Variants in SUGCT observed in about 807,000 individuals in gnomAD.
SUGCT encodes the protein succinyl-CoA:glutarate-CoA transferase.
SUGCT carries 41 observed loss-of-function variants against 55.0 expected under a neutral mutation model. That is an observed-to-expected ratio of 0.74 (90% CI 0.58 to 0.97). The LOEUF is 0.97. Ranked by LOEUF, SUGCT falls within the 50% of genes least tolerant of loss-of-function variation. The pLI is 0.00. For missense variants in SUGCT, 568 were observed against 547.8 expected (o/e 1.04, Z -0.37); for synonymous variants, 187 against 200.4 (o/e 0.93, Z 0.56).
rs1217775627 is a variant in SUGCT at position 40,645,486 on chromosome 7, T to C, written c.1090-103948T>C. ...CACCACATGAGCAATATCTATTCAA[T>C]TGCTTGCAAAGAAGGCCATCTGTTC... On this transcript the variant is annotated intron_variant, in intron 12 of 13. Transcript: ENST00000335693. 2.6e-5 allele frequency among the ~76,000 whole-genome samples: 4 copies of C among 152,310 alleles called. No homozygotes were observed. The East Asian group carries it at 7.7e-4, about 29-fold the overall frequency.
chr7:40,181,025 G>C, intron 2 of SUGCT, 27 bp downstream of exon 2: 1 of 1,553,856 alleles, frequency 6.4e-7, no homozygotes, highest in African/African-American at 1.4e-5. Flanking sequence ...CTACATTTTG[G>C]TGATTGGGTT....
chr7:40,662,980 A>G (rs1380338012), intron 12 of SUGCT, among the ~76,000 whole-genome samples: 20 of 152,186 alleles, frequency 1.3e-4, no homozygotes, highest in African/African-American at 4.8e-4. Context: ...AATTTCAGGC[A>G]TTTCAATTAT....
chr7:40,193,169 G>A lies in SUGCT; in HGVS notation c.364-1771G>A, dbSNP rs1313875759. ...TTTTGTAGAGACGAAGCCTTGGTAT[G>A]TTGCCCAGGCATGTCTTGAACTCCT... On this transcript the variant is annotated intron_variant, in intron 5 of 13. Coordinates refer to ENST00000335693, the MANE Select transcript of SUGCT (RefSeq NM_001193313.2). 2.0e-5 allele frequency among the ~76,000 whole-genome samples: 3 copies of A among 151,014 alleles called. No homozygotes were observed. In the East Asian group the frequency reaches 5.9e-4, roughly 29 times the overall value.
intron 8 of SUGCT, among the ~76,000 whole-genome samples, chr7:40,289,925 A>G (rs2151044593): frequency 6.6e-6 from 1 of 152,322 alleles, no homozygotes; most frequent in African/African-American, 2.4e-5. Context: ...AGAGAATAAA[A>G]TACCTAGGAA....
the SUGCT span, among the ~76,000 whole-genome samples, chr7:40,900,839 C>G: frequency 6.6e-6 from 1 of 152,180 alleles, no homozygotes; most frequent in African/African-American, 2.4e-5. Context: ...TTTTCATTTA[C>G]AAAGTGATTA....
intron 1 of SUGCT, among the ~76,000 whole-genome samples, chr7:40,178,554 T>G (rs960843602): frequency 6.6e-6 from 1 of 152,164 alleles, no homozygotes; most frequent in South Asian, 2.1e-4. Flanking sequence ...TTAAGGGTTT[T>G]TTTTTTGCTC....
intron 8 of SUGCT, among the ~76,000 whole-genome samples, chr7:40,311,502 G>A (rs1464376742): frequency 7.9e-5 from 12 of 152,160 alleles, no homozygotes. Context: ...GCATGCTGTG[G>A]CCTCTGTCTA....
chr7:40,310,138 A>G (rs1454699903), intron 8 of SUGCT, among the ~76,000 whole-genome samples: 1 of 152,144 alleles, frequency 6.6e-6, no homozygotes, highest in Non-Finnish European at 1.5e-5. Context: ...GATAAACACT[A>G]CCTCAGCCAG....
In SUGCT at chr7:40,248,952, TCA is replaced by T. The variant is rs1790119200; in HGVS notation, c.576+11228_576+11229del. 1.3e-4 allele frequency among the ~76,000 whole-genome samples: 19 copies of T among 151,600 alleles called. No individual in the cohort carries two copies. In the South Asian group the frequency reaches 4.0e-3, roughly 32 times the overall value. On this transcript the variant is annotated intron_variant, in intron 7 of 13. Coordinates refer to ENST00000335693, the MANE Select transcript of SUGCT (RefSeq NM_001193313.2). ...CCCTCTCTCTCTGTCTCTCTCTCTCTCACTCTCTCTTAAAAATTCAACTGTAT... is the reference window on the plus strand; with the variant it reads ...CCCTCTCTCTCTGTCTCTCTCTCTCTCTCTCTCTTAAAAATTCAACTGTAT...
At chr7:40,838,631 T>TTTTG (rs142324369) in intron 13 of SUGCT, among the ~76,000 whole-genome samples, 4 of 151,714 alleles carry the variant, frequency 2.6e-5, no homozygotes, top group African/African-American at 4.8e-5. Context: ...ACATCTAGCG[T>TTTTG]TTTGTTTGTT....
intron 9 of SUGCT, among the ~76,000 whole-genome samples, chr7:40,395,742 T>G (rs1285422251): frequency 2.6e-5 from 4 of 152,122 alleles, no homozygotes; most frequent in African/African-American, 9.7e-5. Context: ...AGGAAAACTA[T>G]GGCAACAGGC....
At chr7:40,722,121 G>A (rs1786371820) in intron 12 of SUGCT, among the ~76,000 whole-genome samples, 1 of 151,846 alleles carries the variant, frequency 6.6e-6, no homozygotes, top group Non-Finnish European at 1.5e-5. Context: ...AAATTGACAG[G>A]GTAGAGGACC....
Position 40,751,309 on chromosome 7 carries a change from G to A in SUGCT, c.1153+1812G>A, listed in dbSNP as rs574087391. On this transcript the variant is annotated intron_variant, in intron 13 of 13. Transcript: ENST00000335693. The stretch of plus-strand genomic sequence containing the variant: ...ACTGGAGAGGTAGGGAGAGCCTGGG[G>A]GCCCTGTTAAAGTTGTGTTTTCTCT... Among the ~76,000 whole-genome samples, 6 of 152,172 alleles carry A rather than the reference G, an allele frequency of 3.9e-5. No individual in the cohort carries two copies. In the East Asian group the frequency reaches 1.2e-3, roughly 29 times the overall value.
chr7:40,646,705 C>T (rs1800533281), intron 12 of SUGCT, among the ~76,000 whole-genome samples: 1 of 152,140 alleles, frequency 6.6e-6, no homozygotes, highest in South Asian at 2.1e-4. Context: ...ACAGGCCTTC[C>T]CCAACTACCC....
intron 1 of SUGCT, among the ~76,000 whole-genome samples, chr7:40,140,852 A>C (rs1037540527): frequency 6.6e-6 from 1 of 152,200 alleles, no homozygotes; most frequent in Non-Finnish European, 1.5e-5. Flanking sequence ...TTAGTTCCAT[A>C]TGAACTTTAG....
chr7:40,244,020 A>G (rs1789644470), intron 7 of SUGCT, among the ~76,000 whole-genome samples: 1 of 152,008 alleles, frequency 6.6e-6, no homozygotes, highest in Non-Finnish European at 1.5e-5. Context: ...TAAAAATACA[A>G]AAGTTAGCTG....
rs373443206 is a variant in SUGCT at position 40,327,828 on chromosome 7, T to C, written c.816+10973T>C. ...TAATCACTATAATAATTATCAGATGTAACATTTATCAATGATTACTGTGTT... is the reference window on the plus strand; with the variant it reads ...TAATCACTATAATAATTATCAGATGCAACATTTATCAATGATTACTGTGTT... On this transcript the variant is annotated intron_variant, in intron 9 of 13. Coordinates refer to ENST00000335693, the MANE Select transcript of SUGCT (RefSeq NM_001193313.2). 5.3e-5 allele frequency among the ~76,000 whole-genome samples: 8 copies of C among 152,356 alleles called. No individual in the cohort carries two copies. The East Asian group carries it at 1.3e-3, about 26-fold the overall frequency.
rs575705133 is a variant in SUGCT, at chr7:40,529,808, C to T, written c.1089+33422C>T. 9.9e-5 allele frequency among the ~76,000 whole-genome samples: 15 copies of T among 152,034 alleles called. No homozygotes were observed. The South Asian group carries it at 1.7e-3, about 17-fold the overall frequency. Reference sequence around the variant, plus strand: ...TGCCATTGAAAGTAATGATAAAAACCGCAATTACTATGCACCAACCTAATA... The same window carrying T: ...TGCCATTGAAAGTAATGATAAAAACTGCAATTACTATGCACCAACCTAATA... On this transcript the variant is annotated intron_variant, in intron 12 of 13. Transcript: ENST00000335693.
At chr7:40,803,792 A>G (rs956416561) in intron 13 of SUGCT, among the ~76,000 whole-genome samples, 1 of 152,196 alleles carries the variant, frequency 6.6e-6, no homozygotes, top group Admixed American at 6.5e-5. Flanking sequence ...ATAATTGAAA[A>G]CCATTTCCAG....
Sources: gnomAD v4.1 joint callset for allele counts (sites outside exome capture counted in the v4.1 genomes callset) on GRCh38, gnomAD v4.1.1 for gene constraint, MANE v1.5 for transcripts, NCBI Gene and HGNC (gene_info 2026-07-23, HGNC 2026-07-21) for gene names.